RIMS1: variants seen among roughly 807,000 people sequenced by gnomAD.
RIMS1 encodes the protein regulating synaptic membrane exocytosis protein 1.
A neutral mutation model predicts 214.1 loss-of-function variants in RIMS1; 83 were observed. That is an observed-to-expected ratio of 0.39 (90% CI 0.32 to 0.47). The LOEUF (loss-of-function observed/expected upper bound fraction) is 0.47, where lower values mean the gene tolerates loss of function less well. Ranked by LOEUF, RIMS1 falls within the 20% of genes least tolerant of loss-of-function variation. RIMS1 has a pLI of 0.99. For synonymous variants in RIMS1, 793 were observed against 786.8 expected (o/e 1.01, Z -0.13); for missense variants, 2,050 against 2,161.8 (o/e 0.95, Z 1.03).
chr6:71,981,780 A>C (rs1431713012), intron 2 of RIMS1, among the ~76,000 whole-genome samples: 3 of 151,982 alleles, frequency 2.0e-5, no homozygotes, highest in Non-Finnish European at 2.9e-5. Flanking sequence ...TGGTTGCCTT[A>C]GTTTATTTTT....
intron 2 of RIMS1, among the ~76,000 whole-genome samples, chr6:72,003,638 C>CTG (rs1247693727): frequency 2.0e-5 from 3 of 151,124 alleles, no homozygotes; most frequent in African/African-American, 7.3e-5. Context: ...GTCTGTGTGT[C>CTG]TGTGTGTGTG....
intron 1 of RIMS1, among the ~76,000 whole-genome samples, chr6:71,947,205 A>G (rs1788108196): frequency 6.6e-6 from 1 of 152,104 alleles, no homozygotes; most frequent in Non-Finnish European, 1.5e-5. Flanking sequence ...TATTGGATAT[A>G]TATATCCAAA....
At chr6:72,049,119 G>T (rs1823884851) in intron 2 of RIMS1, among the ~76,000 whole-genome samples, 1 of 152,200 alleles carries the variant, frequency 6.6e-6, no homozygotes, top group Admixed American at 6.5e-5. Flanking sequence ...CAGAGACCAA[G>T]ATCAGAATTC....
At chr6:71,920,948 T>C (rs964032790) in intron 1 of RIMS1, among the ~76,000 whole-genome samples, 5 of 152,222 alleles carry the variant, frequency 3.3e-5, no homozygotes, top group Non-Finnish European at 7.3e-5. Flanking sequence ...ATATATCAGA[T>C]ACTTCTAATG....
intron 2 of RIMS1, among the ~76,000 whole-genome samples, chr6:72,009,587 T>C (rs1471050216): frequency 2.0e-5 from 3 of 150,530 alleles, no homozygotes; most frequent in Non-Finnish European, 4.4e-5. Context: ...GCAAGACTAA[T>C]AAAGAAAAAA....
At chr6:71,928,264 G>T (rs1035351594) in intron 1 of RIMS1, among the ~76,000 whole-genome samples, 1 of 152,034 alleles carries the variant, frequency 6.6e-6, no homozygotes, top group African/African-American at 2.4e-5. Flanking sequence ...ATTTTTAAAA[G>T]ATTTAACAGT....
chr6:72,034,969 A>G (rs983968834), intron 2 of RIMS1, among the ~76,000 whole-genome samples: 3 of 152,196 alleles, frequency 2.0e-5, no homozygotes, highest in Non-Finnish European at 4.4e-5. Flanking sequence ...ACAATCTCCA[A>G]TAGTACTAAT....
rs2098844693 is a variant in RIMS1, at chr6:72,403,095, T to C, written c.*2381T>C. On this transcript the variant is annotated 3_prime_UTR_variant, in exon 34 of 34. Coordinates refer to ENST00000521978, the MANE Select transcript of RIMS1 (RefSeq NM_014989.7). ...TCTCAGTAAGAATCAAATGGAAGGT[T>C]GTTTTCTGCTGCTGTTTGAATGTGC... The C allele has an allele frequency of 6.6e-6, 1 of 152,262 alleles. No individual in the cohort carries two copies. Among genetic ancestry groups the C allele is most frequent in the South Asian group, 2.1e-4 (1 of 4,834 alleles). The allele number at this position is 152,262 out of a possible 1,614,324, so 9.4% of individuals were successfully genotyped here.
At chr6:72,318,203 C>A (rs1404791965) in intron 28 of RIMS1, among the ~76,000 whole-genome samples, 2 of 152,056 alleles carry the variant, frequency 1.3e-5, no homozygotes, top group African/African-American at 4.8e-5. Flanking sequence ...TATCAATTTG[C>A]ATTTATTTTG....
rs150395415 is a variant in RIMS1, at chr6:72,348,945, A to C, written c.4366+15110A>C. Reference sequence around the variant, plus strand: ...GTTTATTAACCTTATGAAAATACTTAAGTATTTAAGCAAAAATGCCCAGAT... The same window carrying C: ...GTTTATTAACCTTATGAAAATACTTCAGTATTTAAGCAAAAATGCCCAGAT... On this transcript the variant is annotated intron_variant, in intron 29 of 33. Coordinates refer to ENST00000521978, the MANE Select transcript of RIMS1 (RefSeq NM_014989.7). Among the ~76,000 whole-genome samples, 63 of 152,114 alleles carry C rather than the reference A, an allele frequency of 4.1e-4. No individual in the cohort carries two copies. In the East Asian group the frequency reaches 0.012, roughly 29 times the overall value.
In RIMS1 at chr6:72,123,319, G is replaced by T. The variant is rs1032646889; in HGVS notation, c.471+23333G>T. 2.0e-5 allele frequency among the ~76,000 whole-genome samples: 3 copies of T among 151,858 alleles called. 1 individual carries two copies. Among genetic ancestry groups the T allele is most frequent in the Non-Finnish European group, 2.9e-5 (2 of 67,862 alleles). On this transcript the variant is annotated intron_variant, in intron 4 of 33. Transcript: ENST00000521978. ...CTTAATCCTGAGTTCTAGTTTGATT[G>T]CACTGTGGCCTGAGAGACAGTTTGT... is the stretch of plus-strand genomic sequence containing the variant.
At chr6:72,267,266 C>A (rs907933244) in intron 22 of RIMS1, among the ~76,000 whole-genome samples, 1 of 151,900 alleles carries the variant, frequency 6.6e-6, no homozygotes, top group Non-Finnish European at 1.5e-5. Context: ...TCAAGAGTAG[C>A]AAGAAAATTT....
intron 4 of RIMS1, among the ~76,000 whole-genome samples, chr6:72,144,885 T>TC (rs1172456367): frequency 4.0e-5 from 6 of 151,500 alleles, no homozygotes; most frequent in Admixed American, 6.6e-5. Flanking sequence ...TTTCTTTCTT[T>TC]TTTCTTTTTT....
intron 29 of RIMS1, among the ~76,000 whole-genome samples, chr6:72,373,130 G>A (rs1208609392): frequency 1.3e-5 from 2 of 152,106 alleles, no homozygotes; most frequent in African/African-American, 4.8e-5. Flanking sequence ...TCAGACTTTG[G>A]ATTCCGTCAT....
chr6:72,242,404 C>T lies in RIMS1; in HGVS notation c.2048C>T (p.Pro683Leu). Residue 683 changes from proline to leucine, a missense_variant, in exon 10 of 34, where the codon CCT becomes CTT. Around this residue, in one of 6 missense-constraint regions of RIMS1, gnomAD observed 111 missense variants for 166.2 expected, o/e 0.67. Coordinates refer to ENST00000521978, the MANE Select transcript of RIMS1 (RefSeq NM_014989.7). ...ATTATTTTAGAATCAAAATCAGAAC[C>T]TCAAGTTGAAATTATTGTTTCAAGG... ...YNIILESKSE[P>L]QVEIIVSRPI... is the part of the protein sequence containing the mutation. 1.9e-6 allele frequency: 3 copies of T among 1,560,562 alleles called. No individual in the cohort carries two copies. Among genetic ancestry groups the T allele is most frequent in the Non-Finnish European group, 2.6e-6 (3 of 1,151,144 alleles).
At chr6:72,219,671 GT>G (rs5877320) in intron 6 of RIMS1, among the ~76,000 whole-genome samples, 8 of 150,302 alleles carry the variant, frequency 5.3e-5, no homozygotes, top group African/African-American at 1.7e-4. Flanking sequence ...AGCTTTGAGG[GT>G]TTTTTTTTGT....
intron 22 of RIMS1, among the ~76,000 whole-genome samples, chr6:72,268,169 A>G (rs947297236): frequency 7.3e-4 from 111 of 152,296 alleles, no homozygotes; most frequent in African/African-American, 2.0e-3. Flanking sequence ...CTTTGTGAAC[A>G]CGCCTATGAA....
At chr6:72,065,457 A>G (rs1160288534) in intron 2 of RIMS1, among the ~76,000 whole-genome samples, 3 of 152,148 alleles carry the variant, frequency 2.0e-5, no homozygotes, top group African/African-American at 7.2e-5. Flanking sequence ...AAAATTATTA[A>G]TGTTGTTAAT....
chr6:72,110,470 A>C (rs1176561645), intron 4 of RIMS1, among the ~76,000 whole-genome samples: 25 of 149,888 alleles, frequency 1.7e-4, no homozygotes, highest in Non-Finnish European at 7.4e-5. Flanking sequence ...AGCAATTGTG[A>C]ATGGGAGTTC....
Sources: gnomAD v4.1 joint callset for allele counts (sites outside exome capture counted in the v4.1 genomes callset) on GRCh38, gnomAD v4.1.1 for gene constraint, gnomAD v4.1.1 regional missense constraint, MANE v1.5 for transcripts, NCBI Gene and HGNC (gene_info 2026-07-23, HGNC 2026-07-21) for gene names.